RUBCNL: variants seen among roughly 807,000 people sequenced by gnomAD.
RUBCNL encodes protein associated with UVRAG as autophagy enhancer.
RUBCNL carries 62 observed loss-of-function variants against 69.5 expected under a neutral mutation model. The ratio of observed to expected loss-of-function variants is 0.89; its 90% CI spans 0.73 to 1.10. The LOEUF (loss-of-function observed/expected upper bound fraction) is 1.10, where lower values mean the gene tolerates loss of function less well. Ranked by LOEUF, RUBCNL falls within the 50% of genes least tolerant of loss-of-function variation. RUBCNL has a pLI of 0.00. For missense variants in RUBCNL, 768 were observed against 798.1 expected, an observed-to-expected ratio of 0.96 and a Z score of 0.45; for synonymous variants, 291 against 303.6, an observed-to-expected ratio of 0.96 and a Z score of 0.43.
rs1174724440 is a variant in RUBCNL, at chr13:46,339,964, GTTT to G, written c.*3418_*3420del. ...GAAATCAAGGGGTCAGCCATGTTGG[GTTT>G]TTTTTTTAAGGCTCTGAGGAAGAAT... On this transcript the variant is annotated 3_prime_UTR_variant, in exon 15 of 15. Transcript: ENST00000429979. Among the ~76,000 whole-genome samples the G allele has an allele frequency of 6.7e-6, 1 of 148,460 alleles. No individual in the cohort carries two copies. The highest frequency in any genetic ancestry group is 6.7e-5 in the Admixed American group (1 of 14,852).
rs1050532935 is a variant in RUBCNL, at chr13:46,348,627, C to T, written c.1631+659G>A. Among the ~76,000 whole-genome samples, 8 of 135,638 alleles carry T rather than the reference C, an allele frequency of 5.9e-5. No homozygotes were observed. The East Asian group carries it at 6.7e-4, about 11-fold the overall frequency. 89.0% of individuals were successfully genotyped at this position (135,638 alleles called of 152,430 possible). On this transcript the variant is annotated intron_variant, in intron 12 of 14. Coordinates refer to ENST00000429979, the MANE Select transcript of RUBCNL (RefSeq NM_025113.5). The stretch of plus-strand genomic sequence containing the variant: ...TTTGATTTTTTTTTTTTTTTTGAGA[C>T]GGAATCTCGTTCTGTCTCTAGGCTG...
At chr13:46,350,383 C>A in intron 10 of RUBCNL, 32 bp from the exon 11 acceptor site, 1 of 1,473,442 alleles carries the variant, frequency 6.8e-7, no homozygotes, top group Middle Eastern at 1.8e-4. Context: ...GAGTGCCACA[C>A]CTGGTGCTGA....
chr13:46,383,228 C>G (rs1317106825), intron 1 of RUBCNL, among the ~76,000 whole-genome samples: 1 of 152,200 alleles, frequency 6.6e-6, no homozygotes, highest in African/African-American at 2.4e-5. Flanking sequence ...GTCCAGGAGT[C>G]CCTAGGTTGC....
rs760220192 is a variant in RUBCNL at position 46,350,359 on chromosome 13, G to A, written c.1331-8C>T. On this transcript the variant is annotated splice_polypyrimidine_tract_variant and splice_region_variant and intron_variant, in intron 10 of 14. Coordinates refer to ENST00000429979, the MANE Select transcript of RUBCNL (RefSeq NM_025113.5). ...GGAGCCGCTTCACAAACTCTGCCAA[G>A]CATACCGGAGGGTGAGTGCCACACC... 65 of 1,524,704 alleles carry A rather than the reference G, an allele frequency of 4.3e-5. No homozygotes were observed. The highest frequency in any genetic ancestry group is 5.5e-5 in the Non-Finnish European group (62 of 1,129,012). The allele number at this position is 1,524,704 out of a possible 1,614,324, so 94.4% of individuals were successfully genotyped here. A position where few individuals can be genotyped will look rare whatever the true frequency, so the allele number is the denominator to read the frequency against.
intron 10 of RUBCNL, among the ~76,000 whole-genome samples, 173 bp downstream of exon 10, chr13:46,356,259 C>T (rs1378602977): frequency 6.6e-6 from 1 of 152,166 alleles, no homozygotes; most frequent in Non-Finnish European, 1.5e-5. Context: ...TAGTTGATCA[C>T]ACAGCCTTGT....
In RUBCNL at chr13:46,371,930, A is replaced by G. The variant is rs372387133; in HGVS notation, c.535+11T>C. 5.6e-6 allele frequency: 9 copies of G among 1,613,192 alleles called. No homozygotes were observed. In the African/African-American group the frequency reaches 1.2e-4, roughly 22 times the overall value. On this transcript the variant is annotated intron_variant, in intron 3 of 14. Coordinates refer to ENST00000429979, the MANE Select transcript of RUBCNL (RefSeq NM_025113.5). The stretch of plus-strand genomic sequence containing the variant: ...CAGAGAGGAATGAGGGAGGTCACCT[A>G]CTAAAATTACCTTCATCAGCAGCAG...
chr13:46,342,339 C>T lies in RUBCNL; in HGVS notation c.*1046G>A, dbSNP rs187186239. On this transcript the variant is annotated 3_prime_UTR_variant, in exon 15 of 15. Transcript: ENST00000429979. ...AATCCCAGGGAATGTAATGCCCAAG[C>T]CCTAGGTTGCAAACCGTTCAGTCTA... The T allele has an allele frequency of 6.6e-6, 1 of 152,228 alleles. No individual in the cohort carries two copies. The highest frequency in any genetic ancestry group is 1.5e-5 in the Non-Finnish European group (1 of 68,018). The allele number at this position is 152,228 out of a possible 1,614,324, so 9.4% of individuals were successfully genotyped here.
intron 2 of RUBCNL, 114 bp from the exon 3 acceptor site, chr13:46,372,711 C>A: frequency 1.1e-6 from 1 of 891,218 alleles, no homozygotes; most frequent in Non-Finnish European, 1.6e-6. Flanking sequence ...TTGGCTCTAT[C>A]CAACATAGTA....
chr13:46,369,197 T>C (rs1285671108), intron 3 of RUBCNL, among the ~76,000 whole-genome samples: 6 of 152,222 alleles, frequency 3.9e-5, no homozygotes, highest in African/African-American at 1.4e-4. Context: ...TAGCTCATTG[T>C]GATTGATCTT....
Position 46,372,231 on chromosome 13 carries a change from G to A in RUBCNL, c.245C>T (p.Thr82Ile), listed in dbSNP as rs772693671. 25 of 1,613,936 alleles carry A rather than the reference G, an allele frequency of 1.5e-5. No homozygotes were observed. The highest frequency in any genetic ancestry group is 2.7e-5 in the African/African-American group (2 of 74,930). ...AGGGCCTGAGGGAGAGGCAGCATCT[G>A]TCACAAAATGGGTCCCACTGTTCCC... ...AAGNSGTHFVTDAASPSGPSP... is the reference protein window; with the variant it reads ...AAGNSGTHFVIDAASPSGPSP... Residue 82 changes from threonine to isoleucine, a missense_variant, in exon 3 of 15, where the codon ACA becomes ATA. By Grantham distance (89) the Thr-to-Ile change is moderately conservative. Coordinates refer to ENST00000429979, the MANE Select transcript of RUBCNL (RefSeq NM_025113.5).
Position 46,338,804 on chromosome 13 carries a change from C to A in RUBCNL, c.*4581G>T, listed in dbSNP as rs2048120989. On this transcript the variant is annotated 3_prime_UTR_variant, in exon 15 of 15. Coordinates refer to ENST00000429979, the MANE Select transcript of RUBCNL (RefSeq NM_025113.5). Reference sequence around the variant, plus strand: ...GGGCGCGGTGGCTCACACCTGTAATCCAAGCACTTTGGGAGGCCGAGGCGG... The same window carrying A: ...GGGCGCGGTGGCTCACACCTGTAATACAAGCACTTTGGGAGGCCGAGGCGG... Among the ~76,000 whole-genome samples, 1 of 152,032 alleles carries A rather than the reference C, an allele frequency of 6.6e-6. No individual in the cohort carries two copies. The highest frequency in any genetic ancestry group is 1.5e-5 in the Non-Finnish European group (1 of 68,006).
chr13:46,345,454 C>T lies in RUBCNL; in HGVS notation c.1778G>A (p.Gly593Asp). Reference protein sequence around the residue: ...ILKASLAHVAGCELCQGKGFI... With the variant: ...ILKASLAHVADCELCQGKGFI... ...CTCTGGGTGCACCCTCACCTCACAG[C>T]CAGCCACATGTGCAAGGGAAGCTTT... The change falls in exon 13 of 15, where the codon GGC becomes GAC. Residue 593 changes from glycine to aspartate, a missense_variant. Gly to Asp is a moderately conservative substitution (Grantham distance 94). Transcript: ENST00000429979. The T allele has an allele frequency of 6.4e-7, 1 of 1,559,972 alleles. No homozygotes were observed. The highest frequency in any genetic ancestry group is 8.7e-7 in the Non-Finnish European group (1 of 1,152,166).
rs2048161479 is a variant in RUBCNL, at chr13:46,342,610, C to T, written c.*775G>A. 1 of 152,126 alleles carries T rather than the reference C, an allele frequency of 6.6e-6. No homozygotes were observed. Among genetic ancestry groups the T allele is most frequent in the Non-Finnish European group, 1.5e-5 (1 of 68,024 alleles). 9.4% of individuals were successfully genotyped at this position (152,126 alleles called of 1,614,324 possible). A position where few individuals can be genotyped will look rare whatever the true frequency, so the allele number is the denominator to read the frequency against. The stretch of plus-strand genomic sequence containing the variant: ...CCCAGTTCGTTTAAATCTGCAAATA[C>T]CTTATGTTCAGTTTTACATCTGTTA... On this transcript the variant is annotated 3_prime_UTR_variant, in exon 15 of 15. Transcript: ENST00000429979.
At position 46,336,760 on chromosome 13, in the gene RUBCNL, G is replaced by A. The variant is rs887078627; in HGVS notation, c.*6625C>T. ...GGTAAAGGAAGAAAGAGGTGTGGAA[G>A]CGATGGCAAACATTAAAAACTGTTC... is the stretch of plus-strand genomic sequence containing the variant. On this transcript the variant is annotated 3_prime_UTR_variant, in exon 15 of 15. Coordinates refer to ENST00000429979, the MANE Select transcript of RUBCNL (RefSeq NM_025113.5). 6.6e-6 allele frequency among the ~76,000 whole-genome samples: 1 copy of A among 152,112 alleles called. No individual in the cohort carries two copies. Among genetic ancestry groups the A allele is most frequent in the Non-Finnish European group, 1.5e-5 (1 of 68,028 alleles).
At chr13:46,368,862 G>A (rs2048818460) in intron 3 of RUBCNL, 47 bp from the exon 4 acceptor site, 1 of 1,346,786 alleles carries the variant, frequency 7.4e-7, no homozygotes, top group Non-Finnish European at 1.0e-6. Context: ...GGAGTTTAAA[G>A]ATTACCTAAT....
intron 4 of RUBCNL, 48 bp downstream of exon 4, chr13:46,368,685 C>A: frequency 6.6e-7 from 1 of 1,504,082 alleles, no homozygotes; most frequent in Non-Finnish European, 9.2e-7. Context: ...ACAACACTAT[C>A]TAAAGGATTA....
intron 5 of RUBCNL, among the ~76,000 whole-genome samples, chr13:46,366,724 T>C (rs1010840321): frequency 6.6e-6 from 1 of 152,102 alleles, no homozygotes; most frequent in African/African-American, 2.4e-5. Flanking sequence ...GTGGTTTTCT[T>C]TGGAAAGAAG....
intron 10 of RUBCNL, chr13:46,350,578 C>CAAAAAAAAAAAA (rs1352978040): frequency 5.9e-5 from 25 of 423,012 alleles, no homozygotes; most frequent in African/African-American, 5.0e-4. Context: ...GTCAGAAAAA[C>CAAAAAAAAAAAA]AAAACCTTCC....
rs1291315546 is a variant in RUBCNL, at chr13:46,368,075, C to T, written c.793G>A (p.Gly265Arg). The change falls in exon 5 of 15, where the codon GGG becomes AGG. Residue 265 changes from glycine to arginine, a missense_variant. Coordinates refer to ENST00000429979, the MANE Select transcript of RUBCNL (RefSeq NM_025113.5). ...TFDTNIKQES[G>R]SSTSSYSGYE... ...CCACTGTATGAAGAAGTAGAAGACC[C>T]AGACTCTTGCTTTATGTTGGTATCA... 1.9e-6 allele frequency: 3 copies of T among 1,613,862 alleles called. No homozygotes were observed. Among genetic ancestry groups the T allele is most frequent in the Non-Finnish European group, 2.5e-6 (3 of 1,179,882 alleles).
Sources: allele counts gnomAD v4.1 joint callset (sites outside exome capture counted in the v4.1 genomes callset), GRCh38; gene constraint gnomAD v4.1.1; transcripts MANE v1.5; gene names NCBI Gene and HGNC (gene_info 2026-07-23, HGNC 2026-07-21).